CPB1: variants seen among roughly 807,000 people sequenced by gnomAD.
CPB1 encodes the protein carboxypeptidase B.
Under a neutral mutation model 51.4 loss-of-function variants are expected in CPB1, and 53 were observed. That is an observed-to-expected ratio of 1.03 (90% CI 0.83 to 1.30). The LOEUF (loss-of-function observed/expected upper bound fraction) is 1.30. Ranked by LOEUF, CPB1 falls within the 50% of genes most tolerant of loss-of-function variation. The probability of loss-of-function intolerance (pLI) is 0.00; values close to 1 mark genes in which losing one functional copy is unlikely to be tolerated. For synonymous variants in CPB1, 189 were observed against 186.9 expected (o/e 1.01, Z -0.09); for missense variants, 494 against 516.2 (o/e 0.96, Z 0.42).
At chr3:148,829,913 C>T (rs1229714333) in intron 2 of CPB1, among the ~76,000 whole-genome samples, 1 of 152,132 alleles carries the variant, frequency 6.6e-6, no homozygotes, top group Non-Finnish European at 1.5e-5. Flanking sequence ...CTAGGGGTAA[C>T]TCTGCCTGGT....
chr3:148,829,433 TATA>T (rs1712665310), intron 2 of CPB1, among the ~76,000 whole-genome samples: 1 of 152,182 alleles, frequency 6.6e-6, no homozygotes, highest in Non-Finnish European at 1.5e-5. Context: ...ACTATGAGCT[TATA>T]TTAACCTGTG....
Position 148,828,757 on chromosome 3 carries a change from A to G in CPB1, c.147+680A>G, listed in dbSNP as rs538852828. On this transcript the variant is annotated intron_variant, in intron 2 of 10. Transcript: ENST00000282957. ...TTGGGCCAATGCCGTTTCTTCATAA[A>G]TATATAAACTAAAATAATCTGCTAG... 5.3e-5 allele frequency among the ~76,000 whole-genome samples: 8 copies of G among 152,340 alleles called. No individual in the cohort carries two copies. In the East Asian group the frequency reaches 1.2e-3, roughly 22 times the overall value.
Position 148,845,457 on chromosome 3 carries a change from C to T in CPB1, c.812C>T (p.Thr271Ile). 3 of 1,613,888 alleles carry T rather than the reference C, an allele frequency of 1.9e-6. No individual in the cohort carries two copies. Among genetic ancestry groups the T allele is most frequent in the Non-Finnish European group, 2.5e-6 (3 of 1,179,840 alleles). ...IGASRNPCDE[T>I]YCGPAAESEK... ...GCCTCTCGAAACCCCTGTGATGAAACTTACTGTGGACCTGCCGCAGAGTCT... is the reference window on the plus strand; with the variant it reads ...GCCTCTCGAAACCCCTGTGATGAAATTTACTGTGGACCTGCCGCAGAGTCT... Residue 271 changes from threonine (T) to isoleucine (I), a missense_variant, in exon 9 of 11, where the codon ACT becomes ATT. By Grantham distance (89) the Thr-to-Ile change is moderately conservative (BLOSUM62 -1). Transcript: ENST00000282957.
At chr3:148,848,527 CA>C (rs1036707147) in intron 9 of CPB1, among the ~76,000 whole-genome samples, 1 of 151,658 alleles carries the variant, frequency 6.6e-6, no homozygotes, top group Non-Finnish European at 1.5e-5. Context: ...TTATTTATAG[CA>C]AAAAAATATA....
chr3:148,829,397 T>C (rs79979623), intron 2 of CPB1, among the ~76,000 whole-genome samples: 32 of 152,314 alleles, frequency 2.1e-4, no homozygotes, highest in Non-Finnish European at 3.8e-4. Context: ...TAAGATTCTT[T>C]TTAGCATCTT....
At chr3:148,846,121 G>A (rs768651774) in intron 9 of CPB1, among the ~76,000 whole-genome samples, 1 of 151,760 alleles carries the variant, frequency 6.6e-6, no homozygotes, top group Non-Finnish European at 1.5e-5. Flanking sequence ...TTTTTGATTG[G>A]GTGAGACTCA....
chr3:148,860,024 T>A lies in CPB1; in HGVS notation c.*22T>A. On this transcript the variant is annotated 3_prime_UTR_variant, in exon 11 of 11. Transcript: ENST00000282957. ...CTAGTTGAGAAAGCTGATGGCCTTG[T>A]TTCAAAATTCTCATTTTTCATTTCT... 6.3e-7 allele frequency: 1 copy of A among 1,583,790 alleles called. No individual in the cohort carries two copies. Among genetic ancestry groups the A allele is most frequent in the Non-Finnish European group, 8.6e-7 (1 of 1,164,574 alleles).
At chr3:148,855,976 T>C (rs1201188586) in intron 9 of CPB1, 2 of 152,244 alleles carry the variant, frequency 1.3e-5, no homozygotes, top group Non-Finnish European at 2.9e-5. Context: ...TTATGTAATG[T>C]TTAACTGGTT....
intron 6 of CPB1, among the ~76,000 whole-genome samples, chr3:148,843,652 C>A (rs963974586): frequency 3.3e-5 from 5 of 152,008 alleles, no homozygotes; most frequent in Non-Finnish European, 7.4e-5. Flanking sequence ...TATATAATTA[C>A]AAACAGTATA....
chr3:148,834,145 G>T (rs1712822897), intron 2 of CPB1, among the ~76,000 whole-genome samples: 1 of 151,946 alleles, frequency 6.6e-6, no homozygotes, highest in South Asian at 2.1e-4. Flanking sequence ...CATTCATCTG[G>T]CACATAGATC....
intron 2 of CPB1, among the ~76,000 whole-genome samples, chr3:148,831,004 A>G (rs574801099): frequency 1.3e-5 from 2 of 152,272 alleles, no homozygotes; most frequent in East Asian, 1.9e-4. Flanking sequence ...CTTTGTATTC[A>G]TCCTTGGCCA....
In CPB1 at chr3:148,828,079, TAAGTAAC is replaced by T. The variant is rs758745005; in HGVS notation, c.147+5_147+11del. On this transcript the variant is annotated splice_donor_5th_base_variant and intron_variant, in intron 2 of 10. Transcript: ENST00000282957. ...CGCGAGTTGGCCAGCACGACCCAGG[TAAGTAAC>T]AATTTTGATTTACTTCACATCTAAT... is the stretch of plus-strand genomic sequence containing the variant. 1 of 1,611,548 alleles carries T rather than the reference TAAGTAAC, an allele frequency of 6.2e-7. No individual in the cohort carries two copies. The highest frequency in any genetic ancestry group is 1.1e-5 in the South Asian group (1 of 90,888).
intron 2 of CPB1, among the ~76,000 whole-genome samples, chr3:148,830,474 A>C (rs1290210308): frequency 6.6e-6 from 1 of 152,196 alleles, no homozygotes; most frequent in Non-Finnish European, 1.5e-5. Context: ...TACTATTTAC[A>C]TAGGAGATTG....
chr3:148,846,818 T>C (rs1398559355), intron 9 of CPB1, among the ~76,000 whole-genome samples: 1 of 104,920 alleles, frequency 9.5e-6, no homozygotes, highest in African/African-American at 4.0e-5. Context: ...TATATATATA[T>C]ATATATATAT....
chr3:148,836,229 T>C (rs556028122), intron 3 of CPB1, among the ~76,000 whole-genome samples: 1 of 152,138 alleles, frequency 6.6e-6, no homozygotes, highest in African/African-American at 2.4e-5. Flanking sequence ...AGCTTAGCTA[T>C]GTGCTTTCTG....
In CPB1 at chr3:148,844,556, A is replaced by G. The variant is rs746360549; in HGVS notation, c.655A>G (p.Asn219Asp). The change falls in exon 7 of 11, where the codon AAT becomes GAT. Residue 219 changes from asparagine to aspartate, a missense_variant. By Grantham distance (23) the Asn-to-Asp change is conservative. Coordinates refer to ENST00000282957, the MANE Select transcript of CPB1 (RefSeq NM_001871.3). ...KLDFYVLPVLNIDGYIYTWTK... is the reference protein window; with the variant it reads ...KLDFYVLPVLDIDGYIYTWTK... ...AGACTTTTATGTCCTGCCTGTGCTCAATATTGATGGCTACATCTACACCTG... is the reference window on the plus strand; with the variant it reads ...AGACTTTTATGTCCTGCCTGTGCTCGATATTGATGGCTACATCTACACCTG... 2 of 1,613,900 alleles carry G rather than the reference A, an allele frequency of 1.2e-6. No individual in the cohort carries two copies. The highest frequency in any genetic ancestry group is 3.3e-5 in the Admixed American group (2 of 59,998).
intron 8 of CPB1, 66 bp downstream of exon 8, chr3:148,844,833 A>C (rs9873003): frequency 7.4e-7 from 1 of 1,359,388 alleles, no homozygotes; most frequent in Non-Finnish European, 1.0e-6. Flanking sequence ...ATATGAAAAC[A>C]CAACAGTATC....
At chr3:148,855,107 C>T (rs910132349) in intron 9 of CPB1, 1 of 152,168 alleles carries the variant, frequency 6.6e-6, no homozygotes, top group African/African-American at 2.4e-5. Context: ...AAGGCCGGAC[C>T]TGGTTTGCAA....
rs374667104 is a variant in CPB1, at chr3:148,857,555, T to G, written c.1066+14T>G. The G allele has an allele frequency of 6.2e-6, 10 of 1,603,666 alleles. No individual in the cohort carries two copies. Among genetic ancestry groups the G allele is most frequent in the Non-Finnish European group, 7.7e-6 (9 of 1,170,882 alleles). On this transcript the variant is annotated intron_variant, in intron 10 of 10. Coordinates refer to ENST00000282957, the MANE Select transcript of CPB1 (RefSeq NM_001871.3). ...CTACAACAATCTGTGAGTCTTGGCTTCAGAACTGTGCAAAGAACCATGTGC... is the reference window on the plus strand; with the variant it reads ...CTACAACAATCTGTGAGTCTTGGCTGCAGAACTGTGCAAAGAACCATGTGC...
Sources: gnomAD v4.1 joint callset for allele counts (sites outside exome capture counted in the v4.1 genomes callset) on GRCh38, gnomAD v4.1.1 for gene constraint, MANE v1.5 for transcripts, NCBI Gene and HGNC (gene_info 2026-07-23, HGNC 2026-07-21) for gene names.